Variants in PLXNA4 observed in about 807,000 individuals in gnomAD.
PLXNA4 encodes plexin-A4.
Under a neutral mutation model 191.8 loss-of-function variants are expected in PLXNA4, and 44 were observed. The ratio of observed to expected loss-of-function variants is 0.23; its 90% confidence interval spans 0.18 to 0.29. The LOEUF (loss-of-function observed/expected upper bound fraction) is 0.29, where lower values mean the gene tolerates loss of function less well. Ranked by LOEUF, PLXNA4 falls within the 10% of genes least tolerant of loss-of-function variation. The pLI, the probability that PLXNA4 is intolerant of heterozygous loss-of-function variation, is 1.00. For synonymous variants in PLXNA4, 1,082 were observed against 1,009.5 expected (o/e 1.07, Z -1.36); for missense variants, 1,800 against 2,488.8 (o/e 0.72, Z 5.89).
chr7:132,513,193 C>T (rs974525724), intron 1 of PLXNA4, among the ~76,000 whole-genome samples: 3 of 152,164 alleles, frequency 2.0e-5, no homozygotes, highest in African/African-American at 7.2e-5. Flanking sequence ...AGAACTGAAA[C>T]TAATTTTCAT....
intron 1 of PLXNA4, among the ~76,000 whole-genome samples, chr7:132,545,111 G>A (rs923360495): frequency 2.0e-5 from 3 of 152,076 alleles, no homozygotes; most frequent in African/African-American, 4.8e-5. Flanking sequence ...CTCCTCTCCG[G>A]CTTCAGACCT....
At chr7:132,577,371 C>T (rs1209768042), upstream of PLXNA4, 1 of 151,790 alleles carries the variant, frequency 6.6e-6, no homozygotes, top group African/African-American at 2.4e-5. Flanking sequence ...CTGGGTCCTC[C>T]TCTCCTCCCT....
intron 1 of PLXNA4, among the ~76,000 whole-genome samples, chr7:132,559,152 C>T (rs1800922675): frequency 6.6e-6 from 1 of 152,168 alleles, no homozygotes; most frequent in African/African-American, 2.4e-5. Flanking sequence ...CTGCTGAATT[C>T]CCTGAGACCA....
At chr7:132,198,416 C>A (rs746935662) in intron 13 of PLXNA4, 69 bp downstream of exon 13, 1 of 1,539,754 alleles carries the variant, frequency 6.5e-7, no homozygotes, top group East Asian at 2.3e-5. Context: ...AGTTGCTGAC[C>A]AGGACATCCC....
At chr7:132,306,580 C>T (rs1801531766) in intron 3 of PLXNA4, among the ~76,000 whole-genome samples, 1 of 152,318 alleles carries the variant, frequency 6.6e-6, no homozygotes, top group African/African-American at 2.4e-5. Flanking sequence ...ATGTAGCCCT[C>T]ATCACTGTCA....
chr7:132,220,610 G>A (rs1001381388), intron 9 of PLXNA4, among the ~76,000 whole-genome samples: 6 of 151,944 alleles, frequency 3.9e-5, no homozygotes, highest in Middle Eastern at 3.4e-3. Flanking sequence ...CCTTCTCTCG[G>A]CCATTTCCTC....
intron 4 of PLXNA4, among the ~76,000 whole-genome samples, chr7:132,253,232 C>CTTTTTT (rs56010775): frequency 2.4e-4 from 32 of 134,422 alleles, no homozygotes; most frequent in Non-Finnish European, 3.6e-4. Context: ...TTTCTTTTTT[C>CTTTTTT]TTTTTTTTTT....
At chr7:132,180,139 T>C (rs917355771) in intron 19 of PLXNA4, among the ~76,000 whole-genome samples, 3 of 152,130 alleles carry the variant, frequency 2.0e-5, no homozygotes, top group African/African-American at 7.2e-5. Flanking sequence ...CTCCTCTTAT[T>C]CAGGAGCGAG....
chr7:132,401,715 G>A (rs1793992894), intron 3 of PLXNA4, among the ~76,000 whole-genome samples: 1 of 152,140 alleles, frequency 6.6e-6, no homozygotes, highest in Admixed American at 6.5e-5. Context: ...GGGAGGAGGG[G>A]AAGAACTGAA....
At chr7:132,648,302 G>C (rs1447641237) in intron 1 of PLXNA4, among the ~76,000 whole-genome samples, 4 of 152,192 alleles carry the variant, frequency 2.6e-5, no homozygotes, top group Non-Finnish European at 4.4e-5. Context: ...ACTGAGACTA[G>C]TGACTTACAG....
intron 4 of PLXNA4, 104 bp downstream of exon 4, chr7:132,297,987 A>C (rs1801165027): frequency 6.9e-7 from 1 of 1,455,240 alleles, no homozygotes; most frequent in South Asian, 1.2e-5. Context: ...TACGCCAAAT[A>C]AATCAAATCA....
chr7:132,493,437 A>C (rs1797881214), intron 2 of PLXNA4, among the ~76,000 whole-genome samples: 1 of 152,218 alleles, frequency 6.6e-6, no homozygotes, highest in South Asian at 2.1e-4. Flanking sequence ...TATGGAGCCC[A>C]TTTGGACAAC....
chr7:132,185,162 G>A, intron 16 of PLXNA4, 137 bp downstream of exon 16: 1 of 1,294,144 alleles, frequency 7.7e-7, no homozygotes, highest in Non-Finnish European at 1.0e-6. Flanking sequence ...GGTCTGATTT[G>A]GGGGTGTTTG....
At chr7:132,589,784 G>A (rs1802572131) in intron 2 of PLXNA4, among the ~76,000 whole-genome samples, 3 of 152,182 alleles carry the variant, frequency 2.0e-5, no homozygotes, top group African/African-American at 7.2e-5. Flanking sequence ...TTCACATGAA[G>A]AAAACTAAAA....
intron 3 of PLXNA4, among the ~76,000 whole-genome samples, chr7:132,448,689 T>C (rs899688638): frequency 4.6e-5 from 7 of 152,218 alleles, no homozygotes; most frequent in Admixed American, 4.6e-4. Flanking sequence ...AGTTATTGTT[T>C]CTTGTTCTCA....
intron 1 of PLXNA4, among the ~76,000 whole-genome samples, chr7:132,575,596 C>G (rs1221114006): frequency 6.6e-6 from 1 of 152,154 alleles, no homozygotes; most frequent in African/African-American, 2.4e-5. Context: ...TGAGAGGGGA[C>G]CCAAGTCCTG....
At chr7:132,475,785 C>G (rs1023746683) in intron 3 of PLXNA4, among the ~76,000 whole-genome samples, 7 of 152,138 alleles carry the variant, frequency 4.6e-5, no homozygotes, top group East Asian at 3.9e-4. Flanking sequence ...GAGACTGATT[C>G]CCCCCACACC....
chr7:132,293,446 G>C (rs1316509911), intron 4 of PLXNA4, among the ~76,000 whole-genome samples: 2 of 152,106 alleles, frequency 1.3e-5, no homozygotes, highest in Non-Finnish European at 2.9e-5. Context: ...CAGCATGGGG[G>C]AAACCACCCC....
chr7:132,280,958 T>C (rs1800457464), intron 4 of PLXNA4, among the ~76,000 whole-genome samples: 2 of 152,046 alleles, frequency 1.3e-5, no homozygotes, highest in South Asian at 2.1e-4. Flanking sequence ...ATAATATATA[T>C]GTTCTGCTCA....
Sources: allele counts gnomAD v4.1 joint callset (sites outside exome capture counted in the v4.1 genomes callset), GRCh38; gene constraint gnomAD v4.1.1; transcripts MANE v1.5; gene names NCBI Gene and HGNC (gene_info 2026-07-23, HGNC 2026-07-21).